The following ATAD2B variants were observed in gnomAD, a reference collection of about 807,000 sequenced individuals.
The protein encoded by ATAD2B is ATPase family AAA domain containing 2B, also known as ATPase family AAA domain-containing protein 2B.
Under a neutral mutation model 167.6 loss-of-function variants are expected in ATAD2B, and 40 were observed. The observed-to-expected ratio is 0.24, with a 90% CI of 0.19 to 0.31. ATAD2B has a LOEUF of 0.31. ATAD2B is among the 10% of genes least tolerant of loss of function. The probability of loss-of-function intolerance (pLI) is 1.00; values close to 1 mark genes in which losing one functional copy is unlikely to be tolerated. For missense variants in ATAD2B, 1,242 were observed against 1,757.2 expected (o/e 0.71, Z 5.24); for synonymous variants, 579 against 596.5 (o/e 0.97, Z 0.43).
At position 23,878,763 on chromosome 2, in the gene ATAD2B, T is replaced by A. The variant is rs528090718; in HGVS notation, c.901+1876A>T. ...GCAACAGACTGTCTTGTCTTAAAAA[T>A]ATTTGCAAATGACATATCTGTTAAA... On this transcript the variant is annotated intron_variant, in intron 7 of 27. Coordinates refer to ENST00000238789, the MANE Select transcript of ATAD2B (RefSeq NM_017552.4). 1.6e-3 allele frequency among the ~76,000 whole-genome samples: 248 copies of A among 152,230 alleles called. 2 individuals carry two copies. The highest frequency in any genetic ancestry group is 5.7e-3 in the African/African-American group (237 of 41,562).
chr2:23,913,350 T>TG (rs1558792301), intron 1 of ATAD2B, among the ~76,000 whole-genome samples: 1 of 152,168 alleles, frequency 6.6e-6, no homozygotes, highest in Non-Finnish European at 1.5e-5. Context: ...AAAATTCTAG[T>TG]GGGGGCCAGG....
chr2:23,731,459 C>T, the ATAD2B span, among the ~76,000 whole-genome samples: 5 of 152,240 alleles, frequency 3.3e-5, no homozygotes, highest in East Asian at 7.7e-4. Context: ...CCAGACTCTA[C>T]GTGCCTCCTA....
intron 11 of ATAD2B, among the ~76,000 whole-genome samples, chr2:23,864,470 A>T (rs1694866926): frequency 6.6e-6 from 1 of 152,178 alleles, no homozygotes; most frequent in Non-Finnish European, 1.5e-5. Context: ...AAACACATCA[A>T]TAAAACTGTG....
intron 24 of ATAD2B, 88 bp downstream of exon 24, chr2:23,762,121 C>T (rs756017865): frequency 1.8e-5 from 24 of 1,363,538 alleles, no homozygotes; most frequent in African/African-American, 7.3e-5. Context: ...GGGAAAAGAG[C>T]GGCACTTTGT....
chr2:23,884,690 A>T, intron 6 of ATAD2B, 75 bp downstream of exon 6: 1 of 759,192 alleles, frequency 1.3e-6, no homozygotes, highest in Non-Finnish European at 2.1e-6. Flanking sequence ...AACATTCTAC[A>T]TATATTACTT....
chr2:23,733,497 G>T, the ATAD2B span, among the ~76,000 whole-genome samples: 8 of 152,138 alleles, frequency 5.3e-5, no homozygotes, highest in Admixed American at 5.2e-4. Flanking sequence ...TCGTGCTCAT[G>T]GTTTGAACAA....
intron 22 of ATAD2B, among the ~76,000 whole-genome samples, chr2:23,774,741 A>G (rs1010688116): frequency 6.6e-6 from 1 of 152,036 alleles, no homozygotes; most frequent in Non-Finnish European, 1.5e-5. Context: ...CTCTACTAAA[A>G]ATACAAAAAT....
intron 1 of ATAD2B, among the ~76,000 whole-genome samples, chr2:23,922,701 C>CAAAAAAAAAAA (rs11386515): frequency 3.2e-5 from 4 of 126,482 alleles, no homozygotes; most frequent in African/African-American, 9.6e-5. Flanking sequence ...GACTCTGTCT[C>CAAAAAAAAAAA]AAAAAAAAAA....
chr2:23,878,806 A>G (rs926611438), intron 7 of ATAD2B, among the ~76,000 whole-genome samples: 3 of 152,204 alleles, frequency 2.0e-5, no homozygotes, highest in Non-Finnish European at 4.4e-5. Context: ...TATCCAGAAC[A>G]TATAAGGAAT....
intron 8 of ATAD2B, among the ~76,000 whole-genome samples, chr2:23,870,843 T>C (rs973458623): frequency 3.3e-5 from 5 of 151,906 alleles, no homozygotes; most frequent in Admixed American, 6.6e-5. Flanking sequence ...AAGAAAAAAA[T>C]AGTTTATAAC....
intron 24 of ATAD2B, among the ~76,000 whole-genome samples, chr2:23,761,809 G>T (rs575778505): frequency 3.3e-5 from 5 of 152,114 alleles, no homozygotes; most frequent in African/African-American, 1.2e-4. Context: ...TCAACTTCCT[G>T]TTGCCAGATC....
the ATAD2B span, among the ~76,000 whole-genome samples, chr2:23,726,731 G>C: frequency 1.3e-5 from 2 of 152,174 alleles, no homozygotes; most frequent in African/African-American, 4.8e-5. Context: ...GGACACTATG[G>C]TAAATTAAAT....
chr2:23,902,406 C>T (rs114896204), intron 1 of ATAD2B, among the ~76,000 whole-genome samples: 2 of 152,314 alleles, frequency 1.3e-5, no homozygotes, highest in Non-Finnish European at 2.9e-5. Context: ...AAAATAATTA[C>T]TTCAGCACCA....
At chr2:23,848,348 C>T (rs559777856) in intron 13 of ATAD2B, among the ~76,000 whole-genome samples, 1 of 152,170 alleles carries the variant, frequency 6.6e-6, no homozygotes, top group East Asian at 1.9e-4. Context: ...GGCATGGTGG[C>T]GTGCACCTGC....
At chr2:23,769,688 G>T (rs1370397309) in intron 22 of ATAD2B, among the ~76,000 whole-genome samples, 6 of 147,530 alleles carry the variant, frequency 4.1e-5, no homozygotes, top group Admixed American at 4.0e-4. Context: ...ATTATTACAA[G>T]TGTTTAATGG....
At chr2:23,875,423 C>T (rs751932060) in intron 8 of ATAD2B, among the ~76,000 whole-genome samples, 30 of 152,158 alleles carry the variant, frequency 2.0e-4, no homozygotes, top group South Asian at 1.0e-3. Context: ...TTGCTTGAAC[C>T]CAGGAGAAAA....
chr2:23,824,278 C>A (rs1687912860), intron 15 of ATAD2B, among the ~76,000 whole-genome samples: 1 of 152,110 alleles, frequency 6.6e-6, no homozygotes, highest in Non-Finnish European at 1.5e-5. Context: ...GTACAACTTT[C>A]TTTAGAAAAA....
chr2:23,711,342 C>CTTTTTTTTT, the ATAD2B span, among the ~76,000 whole-genome samples: 10 of 79,792 alleles, frequency 1.3e-4, 1 homozygote, highest in Non-Finnish European at 1.7e-4. Flanking sequence ...GAATTTCTTT[C>CTTTTTTTTT]TTTTTTTTTT....
chr2:23,896,001 A>T (rs1175316834), intron 1 of ATAD2B, 31 bp from the exon 2 acceptor site: 6 of 1,549,180 alleles, frequency 3.9e-6, no homozygotes, highest in Non-Finnish European at 5.3e-6. Flanking sequence ...TGTATTTATT[A>T]TTCCTATTAA....
Sources: gnomAD v4.1 joint callset for allele counts (sites outside exome capture counted in the v4.1 genomes callset) on GRCh38, gnomAD v4.1.1 for gene constraint, MANE v1.5 for transcripts, NCBI Gene and HGNC (gene_info 2026-07-23, HGNC 2026-07-21) for gene names.